ZNF385D: variants seen among roughly 807,000 people sequenced by gnomAD.
ZNF385D encodes the protein zinc finger protein 385D, also known as zinc finger protein 659.
Under a neutral mutation model 35.8 loss-of-function variants are expected in ZNF385D, and 15 were observed. That is an observed-to-expected ratio of 0.42 (90% CI 0.28 to 0.64). The LOEUF is 0.64. Ranked by LOEUF, ZNF385D falls within the 30% of genes least tolerant of loss-of-function variation. The pLI is 0.23. For synonymous variants in ZNF385D, 212 were observed against 186.8 expected (o/e 1.13, Z -1.10); for missense variants, 474 against 494.6 (o/e 0.96, Z 0.39).
intron 2 of ZNF385D, among the ~76,000 whole-genome samples, chr3:22,197,011 T>C (rs1696465408): frequency 6.6e-6 from 1 of 152,118 alleles, no homozygotes; most frequent in Non-Finnish European, 1.5e-5. Flanking sequence ...TTTCTATTTC[T>C]CAATTTGTAA....
chr3:22,274,141 A>T (rs1181766103), intron 2 of ZNF385D, among the ~76,000 whole-genome samples: 1 of 151,866 alleles, frequency 6.6e-6, no homozygotes, highest in Non-Finnish European at 1.5e-5. Context: ...TAGATTTTTT[A>T]AATTGGATTT....
intron 3 of ZNF385D, among the ~76,000 whole-genome samples, chr3:21,939,413 C>A (rs1413891234): frequency 6.6e-6 from 1 of 152,112 alleles, no homozygotes; most frequent in African/African-American, 2.4e-5. Context: ...TTTGACCTGA[C>A]TGTACAACTT....
chr3:22,028,009 G>T (rs1054487812), intron 3 of ZNF385D, among the ~76,000 whole-genome samples: 1 of 152,198 alleles, frequency 6.6e-6, no homozygotes, highest in Non-Finnish European at 1.5e-5. Context: ...ACTTCGAGCA[G>T]TGCACCTGGT....
chr3:21,774,335 C>A (rs1325408411), intron 3 of ZNF385D, among the ~76,000 whole-genome samples: 9 of 151,722 alleles, frequency 5.9e-5, no homozygotes, highest in Non-Finnish European at 1.0e-4. Context: ...GGGATTAATC[C>A]TAGGTGATGG....
intron 2 of ZNF385D, among the ~76,000 whole-genome samples, chr3:21,605,341 C>CA (rs1423301181): frequency 6.6e-6 from 1 of 152,170 alleles, no homozygotes; most frequent in Non-Finnish European, 1.5e-5. Flanking sequence ...TTAGGCACAG[C>CA]AGCAGCTTGG....
At chr3:21,926,360 A>G (rs557424004) in intron 3 of ZNF385D, among the ~76,000 whole-genome samples, 1 of 152,110 alleles carries the variant, frequency 6.6e-6, no homozygotes, top group South Asian at 2.1e-4. Flanking sequence ...TTCAACTCCC[A>G]CTTATGAGTG....
rs762042320 is a variant in ZNF385D, at chr3:21,714,225, C to T, written c.22+36670G>A. On this transcript the variant is annotated intron_variant, in intron 1 of 7. Coordinates refer to ENST00000281523, the MANE Select transcript of ZNF385D (RefSeq NM_024697.3). ...TAAGTGGGCCTTCCGGCAGACCTTC[C>T]TGCTGTCCAGTAAACAAACTACCTT... Among the ~76,000 whole-genome samples the T allele has an allele frequency of 7.4e-4, 112 of 152,326 alleles. 1 individual carries two copies. The highest frequency in any genetic ancestry group is 4.6e-3 in the Admixed American group (71 of 15,300).
intron 3 of ZNF385D, among the ~76,000 whole-genome samples, chr3:22,141,697 G>A (rs1452121327): frequency 6.6e-6 from 1 of 152,116 alleles, no homozygotes; most frequent in Non-Finnish European, 1.5e-5. Context: ...AGCACATCAA[G>A]AATCAGAAAT....
intron 2 of ZNF385D, among the ~76,000 whole-genome samples, chr3:21,565,575 C>T (rs1255191614): frequency 6.6e-6 from 1 of 152,140 alleles, no homozygotes; most frequent in African/African-American, 2.4e-5. Context: ...TAACTTCTTT[C>T]ACTATCCTTG....
At chr3:22,307,500 GAATA>G (rs768020047) in intron 2 of ZNF385D, among the ~76,000 whole-genome samples, 6 of 152,052 alleles carry the variant, frequency 3.9e-5, no homozygotes, top group Non-Finnish European at 7.4e-5. Context: ...GTTATTTGGA[GAATA>G]AATAAGTACT....
intron 3 of ZNF385D, among the ~76,000 whole-genome samples, chr3:22,018,314 A>G (rs1442350776): frequency 5.3e-5 from 8 of 151,648 alleles, no homozygotes; most frequent in Admixed American, 4.6e-4. Context: ...CACTGTGGAT[A>G]CTCTGTTAAC....
chr3:22,168,177 T>C (rs991167628), intron 3 of ZNF385D, among the ~76,000 whole-genome samples: 1 of 152,182 alleles, frequency 6.6e-6, no homozygotes, highest in Non-Finnish European at 1.5e-5. Context: ...TAAAGTCTCC[T>C]CTGTACGGGC....
In ZNF385D at chr3:22,024,440, G is replaced by A. The variant is rs1697415750; in HGVS notation, c.325+144377C>T. Among the ~76,000 whole-genome samples, 3 of 151,968 alleles carry A rather than the reference G, an allele frequency of 2.0e-5. 1 individual carries two copies. The highest frequency in any genetic ancestry group is 4.4e-5 in the Non-Finnish European group (3 of 68,000). On this transcript the variant is annotated intron_variant, in intron 3 of 5. Transcript: ENST00000494108. Reference sequence around the variant, plus strand: ...ATATTAAGGATGGAGTTATTTCCTTGGTTTTGGGGTTTCTGGAGTTGGCTG... The same window carrying A: ...ATATTAAGGATGGAGTTATTTCCTTAGTTTTGGGGTTTCTGGAGTTGGCTG...
intron 3 of ZNF385D, among the ~76,000 whole-genome samples, chr3:22,152,249 C>T (rs184600030): frequency 1.0e-3 from 154 of 152,188 alleles, no homozygotes; most frequent in African/African-American, 3.6e-3. Flanking sequence ...CAGACAAATG[C>T]TTAGTATTCC....
At chr3:21,840,851 T>C (rs1202746771) in intron 3 of ZNF385D, among the ~76,000 whole-genome samples, 1 of 151,964 alleles carries the variant, frequency 6.6e-6, no homozygotes. Context: ...TGAGAGGAGA[T>C]CAATCATCCC....
chr3:21,625,256 C>T (rs2065104206), intron 2 of ZNF385D, among the ~76,000 whole-genome samples: 1 of 152,030 alleles, frequency 6.6e-6, no homozygotes. Flanking sequence ...TCACATTTTT[C>T]AGATGCAGGC....
chr3:22,228,344 G>A (rs574447338), intron 2 of ZNF385D, among the ~76,000 whole-genome samples: 1 of 152,234 alleles, frequency 6.6e-6, no homozygotes, highest in South Asian at 2.1e-4. Flanking sequence ...CTATCAGCAG[G>A]TTGGCAGGTC....
At chr3:22,161,071 A>AT (rs1705918488) in intron 3 of ZNF385D, among the ~76,000 whole-genome samples, 2 of 152,100 alleles carry the variant, frequency 1.3e-5, no homozygotes. Context: ...TTCATTCTAT[A>AT]CCTCATAATG....
chr3:22,340,785 A>G (rs1452924478), intron 2 of ZNF385D, among the ~76,000 whole-genome samples: 1 of 152,206 alleles, frequency 6.6e-6, no homozygotes, highest in Non-Finnish European at 1.5e-5. Flanking sequence ...AACTGCACCC[A>G]CATATAAAGG....
Sources: gnomAD v4.1 joint callset for allele counts (sites outside exome capture counted in the v4.1 genomes callset) on GRCh38, gnomAD v4.1.1 for gene constraint, MANE v1.5 for transcripts, NCBI Gene and HGNC (gene_info 2026-07-23, HGNC 2026-07-21) for gene names.